The following PPP1R8 variants were observed in gnomAD, a reference collection of about 807,000 sequenced individuals.
The protein encoded by PPP1R8 is protein phosphatase 1 regulatory subunit 8, also known as nuclear inhibitor of protein phosphatase 1.
A neutral mutation model predicts 31.3 loss-of-function variants in PPP1R8; 4 were observed. The ratio of observed to expected loss-of-function variants is 0.13; its 90% CI spans 0.06 to 0.29. PPP1R8 has a LOEUF of 0.29. Ranked by LOEUF, PPP1R8 falls within the 10% of genes least tolerant of loss-of-function variation. The pLI is 1.00. For missense variants in PPP1R8, 254 were observed against 440.1 expected (o/e 0.58, Z 3.78); for synonymous variants, 170 against 169.7 (o/e 1.00, Z -0.01).
Position 27,850,478 on chromosome 1 carries a change from G to GGGGTGT in PPP1R8, c.*32_*33insGGGTGT. ...TGGTCATGGAGAAGGGTGGGATTGG[G>GGGGTGT]TGGGAATGGGGTGGAAGGGTGATGG... On this transcript the variant is annotated 3_prime_UTR_variant, in exon 7 of 7. Coordinates refer to ENST00000311772, the MANE Select transcript of PPP1R8 (RefSeq NM_014110.5). 1 of 1,338,796 alleles carries GGGGTGT rather than the reference G, an allele frequency of 7.5e-7. No homozygotes were observed. Among genetic ancestry groups the GGGGTGT allele is most frequent in the East Asian group, 2.4e-5 (1 of 42,184 alleles). 82.9% of individuals were successfully genotyped at this position (1,338,796 alleles called of 1,614,324 possible).
chr1:27,839,066 T>C (rs1320823287), intron 3 of PPP1R8, among the ~76,000 whole-genome samples: 2 of 152,104 alleles, frequency 1.3e-5, no homozygotes, highest in Non-Finnish European at 2.9e-5. Context: ...CCTGGAGGAA[T>C]CAATAAGCAA....
chr1:27,838,464 C>G (rs1417308243), intron 2 of PPP1R8, among the ~76,000 whole-genome samples: 1 of 152,048 alleles, frequency 6.6e-6, no homozygotes, highest in Admixed American at 6.6e-5. Context: ...CATCCATTCT[C>G]CAAAAAATGT....
intron 5 of PPP1R8, among the ~76,000 whole-genome samples, chr1:27,846,778 G>C (rs1038427555): frequency 5.9e-5 from 9 of 152,232 alleles, no homozygotes; most frequent in African/African-American, 2.2e-4. Context: ...CTCCACCAGA[G>C]CAACTGGGCC....
At chr1:27,840,945 A>G (rs1319788494) in intron 3 of PPP1R8, 69 bp from the exon 4 acceptor site, 2 of 1,513,374 alleles carry the variant, frequency 1.3e-6, no homozygotes, top group Non-Finnish European at 1.8e-6. Context: ...GTTGGCGATC[A>G]TACTCTTCCT....
intron 2 of PPP1R8, among the ~76,000 whole-genome samples, chr1:27,833,603 A>G (rs1557815096): frequency 2.0e-5 from 3 of 152,186 alleles, no homozygotes. Flanking sequence ...CAAGAGATGG[A>G]TATTAAGCCC....
At chr1:27,844,107 A>G (rs1369533370) in intron 5 of PPP1R8, among the ~76,000 whole-genome samples, 1 of 151,616 alleles carries the variant, frequency 6.6e-6, no homozygotes, top group Non-Finnish European at 1.5e-5. Flanking sequence ...GGCTCAGGTG[A>G]TCCTCCCACC....
intron 3 of PPP1R8, among the ~76,000 whole-genome samples, chr1:27,840,009 A>G (rs1020664409): frequency 3.9e-5 from 6 of 152,156 alleles, no homozygotes; most frequent in African/African-American, 2.4e-5. Context: ...GCAGCGAGCC[A>G]TTATCGCATG....
Position 27,837,786 on chromosome 1 carries a change from A to G in PPP1R8, c.118-913A>G, listed in dbSNP as rs559611630. On this transcript the variant is annotated intron_variant, in intron 2 of 6. Coordinates refer to ENST00000311772, the MANE Select transcript of PPP1R8 (RefSeq NM_014110.5). ...CGAGACTTAGTCTCAAAAAAAAAAA[A>G]AAGAAGTTGGCCAGCCATGGTGGCT... Among the ~76,000 whole-genome samples, 500 of 151,294 alleles carry G rather than the reference A, an allele frequency of 3.3e-3. 5 individuals are homozygous for G. Among genetic ancestry groups the G allele is most frequent in the African/African-American group, 0.011 (472 of 41,102 alleles).
intron 5 of PPP1R8, among the ~76,000 whole-genome samples, chr1:27,846,616 T>G (rs1393999413): frequency 6.6e-6 from 1 of 152,268 alleles, no homozygotes; most frequent in Non-Finnish European, 1.5e-5. Context: ...GTCACTGATA[T>G]GGAACTGATA....
intron 4 of PPP1R8, among the ~76,000 whole-genome samples, chr1:27,842,928 C>G (rs1291125209): frequency 6.6e-6 from 1 of 152,184 alleles, no homozygotes; most frequent in Admixed American, 6.5e-5. Flanking sequence ...GTTCTCAGCT[C>G]AAGGCCCTTT....
intron 3 of PPP1R8, among the ~76,000 whole-genome samples, chr1:27,840,703 G>A (rs1356642379): frequency 6.6e-6 from 1 of 152,116 alleles, no homozygotes; most frequent in African/African-American, 2.4e-5. Context: ...TGTTATCTGG[G>A]GGAACAACAG....
chr1:27,850,170 C>T lies in PPP1R8; in HGVS notation c.780C>T (p.Ser260=), dbSNP rs771406720. Residue 260 remains serine, a synonymous_variant, in exon 7 of 7, where the codon AGC becomes AGT. Transcript: ENST00000311772. ...GGCGCATGCAGAACTTTGCCTTCAGCGGAGGACTCTACGGGGGCCTGCCCC... is the reference window on the plus strand; with the variant it reads ...GGCGCATGCAGAACTTTGCCTTCAGTGGAGGACTCTACGGGGGCCTGCCCC... ...GSRRMQNFAF[S]GGLYGGLPPT... 6.2e-6 allele frequency: 10 copies of T among 1,613,728 alleles called. No individual in the cohort carries two copies. The highest frequency in any genetic ancestry group is 5.0e-5 in the Admixed American group (3 of 59,966).
intron 2 of PPP1R8, among the ~76,000 whole-genome samples, chr1:27,833,794 GAAGGT>G (rs2089135351): frequency 6.6e-6 from 1 of 152,126 alleles, no homozygotes; most frequent in African/African-American, 2.4e-5. Context: ...GAGATCTTTT[GAAGGT>G]TACTCTGTAA....
chr1:27,844,072 G>A (rs1425681491), intron 5 of PPP1R8, among the ~76,000 whole-genome samples: 1 of 152,050 alleles, frequency 6.6e-6, no homozygotes, highest in Non-Finnish European at 1.5e-5. Context: ...GCACAGTCAC[G>A]GCTCACTACA....
rs74065442 is a variant in PPP1R8, at chr1:27,838,574, G to C, written c.118-125G>C. ...TATTTTTCTTTTTTTGATGCAAGGA[G>C]ATGGAGTTTTTACTCAATCTAATGG... is the stretch of plus-strand genomic sequence containing the variant. On this transcript the variant is annotated intron_variant, in intron 2 of 6. Coordinates refer to ENST00000311772, the MANE Select transcript of PPP1R8 (RefSeq NM_014110.5). 8.0e-3 allele frequency: 4,182 copies of C among 523,928 alleles called. 100 individuals are homozygous for C. Among genetic ancestry groups the C allele is most frequent in the African/African-American group, 0.06 (3,043 of 50,992 alleles). The allele number at this position is 523,928 out of a possible 1,614,324, so 32.5% of individuals were successfully genotyped here. A position where few individuals can be genotyped will look rare whatever the true frequency, so the allele number is the denominator to read the frequency against.
At chr1:27,840,917 A>T (rs1043120513) in intron 3 of PPP1R8, 97 bp from the exon 4 acceptor site, 2 of 1,241,862 alleles carry the variant, frequency 1.6e-6, no homozygotes, top group Admixed American at 3.8e-5. Context: ...GCTGGGGGGA[A>T]GCTGACCTGA....
intron 2 of PPP1R8, among the ~76,000 whole-genome samples, chr1:27,837,724 G>C (rs866806471): frequency 2.0e-5 from 3 of 146,960 alleles, no homozygotes; most frequent in Non-Finnish European, 3.0e-5. Context: ...GCAGTGAGCC[G>C]AGATCGCACC....
In PPP1R8 at chr1:27,843,314, T is replaced by C; in HGVS notation, c.621T>C (p.Asp207=). The C allele has an allele frequency of 1.2e-6, 2 of 1,613,978 alleles. No homozygotes were observed. Among genetic ancestry groups the C allele is most frequent in the South Asian group, 2.2e-5 (2 of 91,082 alleles). Reference sequence around the variant, plus strand: ...CACGGGTGACATTCAGTGAGGATGATGAGATCATCAACCCAGGTGAGGTAT... The same window carrying C: ...CACGGGTGACATTCAGTGAGGATGACGAGATCATCAACCCAGGTGAGGTAT... ...KNSRVTFSED[D]EIINPEDVDP... The change falls in exon 5 of 7, where the codon GAT becomes GAC. Residue 207 remains aspartate (D), a synonymous_variant. Transcript: ENST00000311772.
At chr1:27,831,985 A>G (rs1383576368) in intron 1 of PPP1R8, among the ~76,000 whole-genome samples, 3 of 152,220 alleles carry the variant, frequency 2.0e-5, no homozygotes, top group Admixed American at 2.0e-4. Flanking sequence ...GCTTCAGTCT[A>G]CAAATTCTGT....
Sources: allele counts gnomAD v4.1 joint callset (sites outside exome capture counted in the v4.1 genomes callset), GRCh38; gene constraint gnomAD v4.1.1; transcripts MANE v1.5; gene names NCBI Gene and HGNC (gene_info 2026-07-23, HGNC 2026-07-21).